LRRIQ1: variants seen among roughly 807,000 people sequenced by gnomAD.
LRRIQ1 encodes leucine-rich repeat- and IQ domain-containing protein 1.
A neutral mutation model predicts 211.9 loss-of-function variants in LRRIQ1; 210 were observed. The observed-to-expected ratio is 0.99, with a 90% CI of 0.89 to 1.11. The LOEUF (loss-of-function observed/expected upper bound fraction) is 1.11, where lower values mean the gene tolerates loss of function less well. Ranked by LOEUF, LRRIQ1 falls within the 50% of genes most tolerant of loss-of-function variation. LRRIQ1 has a pLI of 0.00. For missense variants in LRRIQ1, 2,136 were observed against 1,939.5 expected (o/e 1.10, Z -1.90); for synonymous variants, 699 against 650.1 (o/e 1.08, Z -1.14).
intron 11 of LRRIQ1, among the ~76,000 whole-genome samples, chr12:85,096,722 C>T (rs1482151695): frequency 6.6e-6 from 1 of 152,108 alleles, no homozygotes; most frequent in Non-Finnish European, 1.5e-5. Flanking sequence ...TGTTGGTTTT[C>T]TGCTTAAGTG....
At chr12:85,114,937 G>A (rs1347598097) in intron 15 of LRRIQ1, among the ~76,000 whole-genome samples, 1 of 152,096 alleles carries the variant, frequency 6.6e-6, no homozygotes, top group Non-Finnish European at 1.5e-5. Context: ...CCAACAAAAG[G>A]ATTAGTTATA....
intron 15 of LRRIQ1, among the ~76,000 whole-genome samples, chr12:85,107,554 G>C (rs1245671192): frequency 6.6e-6 from 1 of 151,690 alleles, no homozygotes; most frequent in Non-Finnish European, 1.5e-5. Context: ...ACACTTTTTG[G>C]ATCTGCCATT....
chr12:85,185,674 T>G (rs984781011), intron 24 of LRRIQ1, among the ~76,000 whole-genome samples: 3 of 152,032 alleles, frequency 2.0e-5, no homozygotes, highest in Non-Finnish European at 2.9e-5. Flanking sequence ...TAATGATTCA[T>G]AAATTTCAAA....
At chr12:85,232,481 G>C (rs188596637) in intron 25 of LRRIQ1, among the ~76,000 whole-genome samples, 32 of 152,242 alleles carry the variant, frequency 2.1e-4, no homozygotes, top group Admixed American at 6.5e-4. Context: ...GTATTGAAGT[G>C]TTATTAGAAA....
intron 15 of LRRIQ1, among the ~76,000 whole-genome samples, chr12:85,111,021 T>A (rs1479693521): frequency 6.6e-6 from 1 of 152,138 alleles, no homozygotes; most frequent in Non-Finnish European, 1.5e-5. Context: ...AGTACTTATC[T>A]CATAGGGTAA....
intron 19 of LRRIQ1, among the ~76,000 whole-genome samples, chr12:85,143,242 C>T (rs1033120038): frequency 6.6e-6 from 1 of 151,610 alleles, no homozygotes; most frequent in African/African-American, 2.4e-5. Context: ...ACCTATTAGC[C>T]ACTTGTATGT....
At chr12:85,256,647 T>A (rs1473734572) in intron 1 of LRRIQ1, among the ~76,000 whole-genome samples, 1 of 151,592 alleles carries the variant, frequency 6.6e-6, no homozygotes, top group Non-Finnish European at 1.5e-5. Flanking sequence ...GTATTTGTTT[T>A]ATACAAGTTC....
chr12:85,112,075 AT>A (rs1189898396), intron 15 of LRRIQ1, among the ~76,000 whole-genome samples: 1 of 152,052 alleles, frequency 6.6e-6, no homozygotes, highest in Non-Finnish European at 1.5e-5. Context: ...TTTCTAAAAA[AT>A]GTCAAAATAT....
At chr12:85,121,610 T>A (rs570062974) in intron 15 of LRRIQ1, 87 bp from the exon 16 acceptor site, 1 of 913,198 alleles carries the variant, frequency 1.1e-6, no homozygotes, top group Non-Finnish European at 1.5e-6. Flanking sequence ...TATGCTTGTA[T>A]TATTTAAATG....
At chr12:85,181,293 T>C (rs1402879913) in intron 24 of LRRIQ1, among the ~76,000 whole-genome samples, 1 of 151,952 alleles carries the variant, frequency 6.6e-6, no homozygotes, top group Non-Finnish European at 1.5e-5. Context: ...TTGCAATATT[T>C]TTCATGAAGA....
chr12:85,186,310 A>T (rs2136912825), intron 24 of LRRIQ1, among the ~76,000 whole-genome samples: 1 of 152,306 alleles, frequency 6.6e-6, no homozygotes, highest in South Asian at 2.1e-4. Flanking sequence ...CAGTTCTTAA[A>T]GTGTATAGGG....
intron 12 of LRRIQ1, 63 bp downstream of exon 12, chr12:85,098,611 C>G: frequency 2.2e-6 from 3 of 1,342,078 alleles, no homozygotes. Context: ...ATAGAAATAC[C>G]AATCACATAT....
rs1337340463 is a variant in LRRIQ1 at position 85,073,024 on chromosome 12, G to T, written c.2813G>T (p.Trp938Leu). Residue 938 changes from tryptophan to leucine, a missense_variant, in exon 11 of 27, where the codon TGG (tryptophan) becomes TTG (leucine). By Grantham distance (61) the Trp-to-Leu change is moderately conservative. Coordinates refer to ENST00000393217, the MANE Select transcript of LRRIQ1 (RefSeq NM_001079910.2). Reference protein sequence around the residue: ...AQVWIPTGLCWSWIPITSLTK... With the variant: ...AQVWIPTGLCLSWIPITSLTK... ...GTCTGGATTCCAACTGGATTATGTT[G>T]GTCCTGGATACCTATTACCTCACTT... 6.2e-7 allele frequency: 1 copy of T among 1,612,092 alleles called. No homozygotes were observed. Among genetic ancestry groups the T allele is most frequent in the South Asian group, 1.1e-5 (1 of 90,978 alleles).
At chr12:85,092,557 A>G (rs1885503573) in intron 11 of LRRIQ1, among the ~76,000 whole-genome samples, 1 of 152,174 alleles carries the variant, frequency 6.6e-6, no homozygotes, top group South Asian at 2.1e-4. Flanking sequence ...AGTTGCATCT[A>G]AAAGAAAATA....
chr12:85,158,417 A>AT (rs2136708828), intron 23 of LRRIQ1, among the ~76,000 whole-genome samples: 1 of 152,034 alleles, frequency 6.6e-6, no homozygotes, highest in Non-Finnish European at 1.5e-5. Flanking sequence ...TATACACCTT[A>AT]TTTTACACCT....
intron 9 of LRRIQ1, among the ~76,000 whole-genome samples, chr12:85,065,793 TA>T (rs1276502653): frequency 1.3e-5 from 2 of 151,982 alleles, no homozygotes; most frequent in South Asian, 4.1e-4. Context: ...CTGGGTCTCT[TA>T]TGTAACTGCA....
In LRRIQ1 at chr12:85,104,039, C is replaced by A; in HGVS notation, c.3245C>A (p.Ser1082Ter). 1 of 1,565,628 alleles carries A rather than the reference C, an allele frequency of 6.4e-7. No individual in the cohort carries two copies. The highest frequency in any genetic ancestry group is 2.4e-5 in the East Asian group (1 of 42,234). Residue 1082 changes from serine (S) to a stop codon, truncating the protein, a stop_gained, in exon 14 of 27, where the codon TCA becomes TAA. Transcript: ENST00000393217. LOFTEE classifies it high-confidence loss of function. ...ATCGTACCACTTTTTCATTTTGTTTCATTGGAAAAGCTAGATGTCAGCCAC... is the reference window on the plus strand; with the variant it reads ...ATCGTACCACTTTTTCATTTTGTTTAATTGGAAAAGCTAGATGTCAGCCAC... Reference protein sequence around the residue: ...TKIVPLFHFVSLEKLDVSHNC... With the variant: ...TKIVPLFHFV
At chr12:85,197,824 TA>T (rs139290206) in intron 24 of LRRIQ1, among the ~76,000 whole-genome samples, 7 of 134,970 alleles carry the variant, frequency 5.2e-5, no homozygotes, top group South Asian at 2.2e-4. Flanking sequence ...AACTTTATAA[TA>T]AAAAAATAAA....
chr12:85,192,805 T>G (rs1461705089), intron 24 of LRRIQ1, among the ~76,000 whole-genome samples: 2 of 105,512 alleles, frequency 1.9e-5, no homozygotes, highest in African/African-American at 7.6e-5. Context: ...TTATATACTA[T>G]AATTATATAT....
Sources: gnomAD v4.1 joint callset for allele counts (sites outside exome capture counted in the v4.1 genomes callset) on GRCh38, gnomAD v4.1.1 for gene constraint, MANE v1.5 for transcripts, NCBI Gene and HGNC (gene_info 2026-07-23, HGNC 2026-07-21) for gene names.